Variants in SV2C observed in about 807,000 individuals in gnomAD.
SV2C encodes solute carrier family 22 member B3.
Under a neutral mutation model 79.7 loss-of-function variants are expected in SV2C, and 49 were observed. The ratio of observed to expected loss-of-function variants is 0.61; its 90% CI spans 0.49 to 0.78. The LOEUF is 0.78. Among genes scored for constraint, SV2C ranks in the 30% least tolerant of loss-of-function variants. The probability of loss-of-function intolerance (pLI) is 0.00; values close to 1 mark genes in which losing one functional copy is unlikely to be tolerated. For synonymous variants in SV2C, 334 were observed against 333.2 expected, an observed-to-expected ratio of 1.00 and a Z score of -0.03; for missense variants, 833 against 912.9, an observed-to-expected ratio of 0.91 and a Z score of 1.13.
chr5:76,136,398 T>A (rs1005672993), intron 2 of SV2C, among the ~76,000 whole-genome samples: 1 of 152,244 alleles, frequency 6.6e-6, no homozygotes, highest in Non-Finnish European at 1.5e-5. Context: ...GTACCAACTC[T>A]GAGCCAGGTA....
At chr5:75,872,227 T>C in the SV2C span, among the ~76,000 whole-genome samples, 1 of 150,452 alleles carries the variant, frequency 6.6e-6, no homozygotes, top group Non-Finnish European at 1.5e-5. Context: ...ATGAGAAAAA[T>C]TGCTAAATTT....
chr5:75,997,577 C>A, the SV2C span, among the ~76,000 whole-genome samples: 2 of 152,088 alleles, frequency 1.3e-5, no homozygotes, highest in South Asian at 4.1e-4. Flanking sequence ...GCAACCAAAA[C>A]ACACATGAAA....
intron 12 of SV2C, among the ~76,000 whole-genome samples, chr5:76,350,290 C>T (rs943385173): frequency 6.6e-6 from 1 of 152,098 alleles, no homozygotes; most frequent in Non-Finnish European, 1.5e-5. Flanking sequence ...TCCCTCATTC[C>T]CCAGAGAAGC....
chr5:76,089,899 A>G (rs1204047532), intron 1 of SV2C, among the ~76,000 whole-genome samples: 1 of 152,236 alleles, frequency 6.6e-6, no homozygotes, highest in Non-Finnish European at 1.5e-5. Context: ...AGACAGCATA[A>G]GGAGAATATA....
intron 2 of SV2C, among the ~76,000 whole-genome samples, chr5:76,178,824 T>A (rs1019359060): frequency 5.3e-5 from 8 of 152,242 alleles, no homozygotes; most frequent in Non-Finnish European, 1.2e-4. Context: ...ATGCCACTTA[T>A]ACTTTCTTGG....
chr5:75,973,825 C>G, the SV2C span, among the ~76,000 whole-genome samples: 4 of 151,984 alleles, frequency 2.6e-5, no homozygotes, highest in Non-Finnish European at 5.9e-5. Flanking sequence ...ATCTCTCAAA[C>G]TATTTGGTAA....
the SV2C span, among the ~76,000 whole-genome samples, chr5:75,913,538 T>G: frequency 2.7e-3 from 418 of 152,300 alleles, 1 homozygote; most frequent in Non-Finnish European, 4.9e-3. Flanking sequence ...GAGGAGGCTG[T>G]ATTTCATAAA....
chr5:76,156,325 T>G (rs1333373592), intron 2 of SV2C, among the ~76,000 whole-genome samples: 1 of 152,130 alleles, frequency 6.6e-6, no homozygotes, highest in African/African-American at 2.4e-5. Flanking sequence ...CATCAGAGGC[T>G]TCATTCTATG....
rs1054933976 is a variant in SV2C at position 76,117,862 on chromosome 5, A to G, written c.-101-13788A>G. ...TTACAACAAAGCAGAAAACATGAAC[A>G]AAGAAACCTTAAAATAGACTATATA... On this transcript the variant is annotated intron_variant, in intron 1 of 12. Coordinates refer to ENST00000502798, the MANE Select transcript of SV2C (RefSeq NM_014979.4). Among the ~76,000 whole-genome samples, 6 of 152,330 alleles carry G rather than the reference A, an allele frequency of 3.9e-5. No homozygotes were observed. In the East Asian group the frequency reaches 9.6e-4, roughly 24 times the overall value.
At chr5:76,212,262 A>T (rs1167524387) in intron 4 of SV2C, among the ~76,000 whole-genome samples, 3 of 152,172 alleles carry the variant, frequency 2.0e-5, no homozygotes, top group Non-Finnish European at 4.4e-5. Flanking sequence ...TAGGAAATGC[A>T]GAGTCCAGCT....
the SV2C span, among the ~76,000 whole-genome samples, chr5:76,054,767 T>C: frequency 6.6e-6 from 1 of 152,238 alleles, no homozygotes; most frequent in African/African-American, 2.4e-5. Context: ...TTTTTTTATA[T>C]GTTTGTTGGC....
chr5:75,853,053 G>A, the SV2C span, among the ~76,000 whole-genome samples: 1 of 152,094 alleles, frequency 6.6e-6, no homozygotes, highest in Non-Finnish European at 1.5e-5. Flanking sequence ...ATCAAAAAGA[G>A]AGGAAGTGAT....
Position 76,238,000 on chromosome 5 carries a change from A to G in SV2C, c.913+28113A>G, listed in dbSNP as rs944492159. Among the ~76,000 whole-genome samples the G allele has an allele frequency of 4.7e-5, 7 of 149,930 alleles. No homozygotes were observed. In the South Asian group the frequency reaches 6.4e-4, roughly 14 times the overall value. Reference sequence around the variant, plus strand: ...CACACACACACACACACATACATACATACATACATATACACACAATCACAC... The same window carrying G: ...CACACACACACACACACATACATACGTACATACATATACACACAATCACAC... On this transcript the variant is annotated intron_variant, in intron 4 of 12. Transcript: ENST00000502798.
At chr5:75,932,771 GT>G in the SV2C span, among the ~76,000 whole-genome samples, 1 of 152,174 alleles carries the variant, frequency 6.6e-6, no homozygotes, top group African/African-American at 2.4e-5. Context: ...CATGATAGCC[GT>G]CATGAGCATG....
At chr5:76,280,270 TCACACACACATATG>T (rs948539571) in intron 4 of SV2C, among the ~76,000 whole-genome samples, 1 of 151,810 alleles carries the variant, frequency 6.6e-6, no homozygotes, top group African/African-American at 2.4e-5. Flanking sequence ...TATGTGTGTG[TCACACACACATATG>T]CACACACACA....
intron 3 of SV2C, among the ~76,000 whole-genome samples, chr5:76,207,220 G>A (rs543156479): frequency 2.0e-5 from 3 of 152,114 alleles, no homozygotes; most frequent in African/African-American, 7.2e-5. Context: ...CTTTATCTTG[G>A]TCCAGAGGGT....
At chr5:76,009,991 GTTTTTTTTTTTT>G in the SV2C span, among the ~76,000 whole-genome samples, 3 of 112,642 alleles carry the variant, frequency 2.7e-5, no homozygotes, top group South Asian at 3.3e-4. Flanking sequence ...TATCTATTTT[GTTTTTTTTTTTT>G]TTTTTTTTTT....
At chr5:75,851,432 T>A in the SV2C span, among the ~76,000 whole-genome samples, 1 of 152,170 alleles carries the variant, frequency 6.6e-6, no homozygotes, top group Non-Finnish European at 1.5e-5. Context: ...TGTAGGCAGT[T>A]CTACTTCAGG....
chr5:76,134,965 T>A (rs1203430695), intron 2 of SV2C, among the ~76,000 whole-genome samples: 2 of 152,102 alleles, frequency 1.3e-5, no homozygotes, highest in Non-Finnish European at 2.9e-5. Flanking sequence ...AAATCACAAA[T>A]GAGTAGATTA....
Sources: gnomAD v4.1 joint callset for allele counts (sites outside exome capture counted in the v4.1 genomes callset) on GRCh38, gnomAD v4.1.1 for gene constraint, MANE v1.5 for transcripts, NCBI Gene and HGNC (gene_info 2026-07-23, HGNC 2026-07-21) for gene names.